Variants in ZNF385B observed in about 807,000 individuals in gnomAD.
ZNF385B encodes the protein zinc finger protein 533.
In ZNF385B, 23 loss-of-function variants were observed where a neutral mutation model predicts 39.2. That is an observed-to-expected ratio of 0.59 (90% CI 0.42 to 0.83). ZNF385B has a LOEUF of 0.83. Among genes scored for constraint, ZNF385B ranks in the 40% least tolerant of loss-of-function variants. The probability of loss-of-function intolerance (pLI) is 0.00; values close to 1 mark genes in which losing one functional copy is unlikely to be tolerated. For synonymous variants in ZNF385B, 205 were observed against 222.6 expected, an observed-to-expected ratio of 0.92 and a Z score of 0.70; for missense variants, 552 against 598.9, an observed-to-expected ratio of 0.92 and a Z score of 0.82.
intron 1 of ZNF385B, among the ~76,000 whole-genome samples, chr2:179,819,034 TACACACACAC>T (rs10556902): frequency 0.3 from 43,716 of 148,060 alleles, 6,497 homozygotes; most frequent in African/African-American, 0.32. Flanking sequence ...TGTTTATAAA[TACACACACAC>T]ACACACACAC....
intron 3 of ZNF385B, among the ~76,000 whole-genome samples, chr2:179,586,849 C>T: frequency 6.6e-6 from 1 of 152,008 alleles, no homozygotes; most frequent in East Asian, 1.9e-4. Flanking sequence ...CCAGCCTGAT[C>T]AACATGGTGA....
chr2:179,751,817 C>T (rs986519897), intron 3 of ZNF385B, among the ~76,000 whole-genome samples: 14 of 152,094 alleles, frequency 9.2e-5, no homozygotes, highest in African/African-American at 1.4e-4. Flanking sequence ...CTTCCTGCTG[C>T]AAAATACCCA....
intron 5 of ZNF385B, among the ~76,000 whole-genome samples, chr2:179,493,762 T>TGTATACATATATGTATATACACATAC (rs2055760605): frequency 1.1e-5 from 1 of 89,656 alleles, no homozygotes; most frequent in African/African-American, 3.9e-5. Context: ...TATACATATA[T>TGTATACATATATGTATATACACATAC]GTATACATAT....
chr2:179,638,665 G>T (rs1429847643), intron 3 of ZNF385B, among the ~76,000 whole-genome samples: 1 of 152,096 alleles, frequency 6.6e-6, no homozygotes, highest in East Asian at 1.9e-4. Flanking sequence ...GGACCTAGAA[G>T]CAAGCCACTC....
chr2:179,649,858 T>TG lies in ZNF385B; in HGVS notation c.299-104890dup, dbSNP rs1693053631. On this transcript the variant is annotated intron_variant, in intron 3 of 9. Transcript: ENST00000410066. ...TACCATGTTACATTTTGCTTTAATTTGAAAAAAAAAGTAATGTTAAGTTTA... is the reference window on the plus strand; with the variant it reads ...TACCATGTTACATTTTGCTTTAATTTGGAAAAAAAAAGTAATGTTAAGTTTA... 8.5e-5 allele frequency among the ~76,000 whole-genome samples: 13 copies of TG among 152,048 alleles called. No individual in the cohort carries two copies. In the South Asian group the frequency reaches 2.7e-3, roughly 32 times the overall value.
At chr2:179,787,239 T>C (rs1268640843) in intron 1 of ZNF385B, among the ~76,000 whole-genome samples, 3 of 152,056 alleles carry the variant, frequency 2.0e-5, no homozygotes, top group Non-Finnish European at 2.9e-5. Context: ...GTTTTTATTT[T>C]TAATATATTC....
intron 1 of ZNF385B, among the ~76,000 whole-genome samples, chr2:179,835,081 C>A (rs1185692916): frequency 6.6e-6 from 1 of 152,172 alleles, no homozygotes; most frequent in Non-Finnish European, 1.5e-5. Context: ...TTGGGACTAT[C>A]TGGAAAATGT....
chr2:179,736,071 T>C (rs566922519), intron 3 of ZNF385B, among the ~76,000 whole-genome samples: 1 of 152,248 alleles, frequency 6.6e-6, no homozygotes, highest in South Asian at 2.1e-4. Context: ...TATTTTATTA[T>C]TTTTATGTAA....
chr2:179,457,046 C>T (rs2050783867), intron 6 of ZNF385B, among the ~76,000 whole-genome samples: 1 of 152,072 alleles, frequency 6.6e-6, no homozygotes, highest in Admixed American at 6.5e-5. Context: ...TGAACCCCTA[C>T]CAGTTGAGAT....
intron 3 of ZNF385B, among the ~76,000 whole-genome samples, chr2:179,657,955 A>C (rs1308636341): frequency 6.6e-6 from 1 of 152,212 alleles, no homozygotes; most frequent in African/African-American, 2.4e-5. Context: ...CCATCTCACC[A>C]CAGTGAAATG....
intron 3 of ZNF385B, among the ~76,000 whole-genome samples, chr2:179,588,215 A>G (rs1203511419): frequency 6.6e-6 from 1 of 151,846 alleles, no homozygotes; most frequent in African/African-American, 2.4e-5. Context: ...CAGCCTCCCG[A>G]GTAGCTGGGA....
chr2:179,626,358 G>A (rs1159757164), intron 3 of ZNF385B, among the ~76,000 whole-genome samples: 1 of 152,166 alleles, frequency 6.6e-6, no homozygotes, highest in Non-Finnish European at 1.5e-5. Flanking sequence ...AGATGGGATA[G>A]ATGATACAGC....
intron 3 of ZNF385B, among the ~76,000 whole-genome samples, chr2:179,756,410 C>T (rs1403730249): frequency 6.6e-6 from 1 of 152,144 alleles, no homozygotes; most frequent in Non-Finnish European, 1.5e-5. Context: ...CTGCCCTTAA[C>T]ATTTTTTCCT....
chr2:179,596,719 G>A (rs996595608), intron 3 of ZNF385B, among the ~76,000 whole-genome samples: 42 of 152,266 alleles, frequency 2.8e-4, no homozygotes, highest in Non-Finnish European at 5.9e-4. Flanking sequence ...CACACTTTCA[G>A]AAGCAATCTC....
intron 1 of ZNF385B, among the ~76,000 whole-genome samples, chr2:179,783,842 G>GA (rs754916536): frequency 3.9e-5 from 6 of 152,052 alleles, no homozygotes; most frequent in Admixed American, 6.5e-5. Context: ...TGAGGTTGCA[G>GA]AAAAAAGGAA....
intron 3 of ZNF385B, among the ~76,000 whole-genome samples, chr2:179,756,339 C>A (rs565198687): frequency 2.0e-5 from 3 of 152,134 alleles, no homozygotes; most frequent in Admixed American, 6.5e-5. Flanking sequence ...GAGTTTCTGC[C>A]AAGAGATCCG....
intron 5 of ZNF385B, among the ~76,000 whole-genome samples, chr2:179,493,869 C>T (rs545354082): frequency 6.8e-6 from 1 of 146,480 alleles, no homozygotes; most frequent in South Asian, 2.2e-4. Flanking sequence ...CACTAAGGGT[C>T]CATCCATTGT....
chr2:179,753,728 C>T (rs1275298146), intron 3 of ZNF385B, among the ~76,000 whole-genome samples: 1 of 152,100 alleles, frequency 6.6e-6, no homozygotes, highest in African/African-American at 2.4e-5. Flanking sequence ...CATGATTTGG[C>T]TCTCTGTCTG....
chr2:179,590,087 A>G (rs1687424320), intron 3 of ZNF385B, among the ~76,000 whole-genome samples: 1 of 152,202 alleles, frequency 6.6e-6, no homozygotes, highest in African/African-American at 2.4e-5. Context: ...GAAGTCACCT[A>G]ACTTCTCTGA....
Sources: allele counts gnomAD v4.1 joint callset (sites outside exome capture counted in the v4.1 genomes callset), GRCh38; gene constraint gnomAD v4.1.1; transcripts MANE v1.5; gene names NCBI Gene and HGNC (gene_info 2026-07-23, HGNC 2026-07-21).